The following SPON1 variants were observed in gnomAD, a reference collection of about 807,000 sequenced individuals.
SPON1 encodes the protein spondin-1.
SPON1 carries 52 observed loss-of-function variants against 111.7 expected under a neutral mutation model. That is an observed-to-expected ratio of 0.47 (90% CI 0.37 to 0.59). SPON1 has a LOEUF of 0.59. Among genes scored for constraint, SPON1 ranks in the 20% least tolerant of loss-of-function variants. The pLI is 0.00. For synonymous variants in SPON1, 410 were observed against 395.8 expected (o/e 1.04, Z -0.43); for missense variants, 957 against 1,068.5 (o/e 0.90, Z 1.46).
chr11:13,967,513 T>C (rs1233120391), intron 1 of SPON1, among the ~76,000 whole-genome samples: 3 of 141,354 alleles, frequency 2.1e-5, no homozygotes, highest in Admixed American at 7.3e-5. Context: ...AAAAACAAAT[T>C]GGATAGGAAA....
At chr11:14,019,385 G>C (rs1453061903) in intron 2 of SPON1, among the ~76,000 whole-genome samples, 2 of 149,726 alleles carry the variant, frequency 1.3e-5, no homozygotes, top group African/African-American at 4.9e-5. Context: ...TTTATAATGT[G>C]TATAATTATA....
rs565301013 is a variant in SPON1 at position 14,179,284 on chromosome 11, C to T, written c.825+43716C>T. ...ATATGACACAGCATTTTGCCATCAT[C>T]GCAGATGTTCCACATAAAAGGGTCA... On this transcript the variant is annotated intron_variant, in intron 6 of 15. Coordinates refer to ENST00000576479, the MANE Select transcript of SPON1 (RefSeq NM_006108.4). 5.9e-5 allele frequency among the ~76,000 whole-genome samples: 9 copies of T among 152,296 alleles called. No homozygotes were observed. In the South Asian group the frequency reaches 1.0e-3, roughly 18 times the overall value.
At chr11:14,212,455 A>G (rs1848586728) in intron 6 of SPON1, among the ~76,000 whole-genome samples, 1 of 152,208 alleles carries the variant, frequency 6.6e-6, no homozygotes, top group African/African-American at 2.4e-5. Flanking sequence ...GCATATAATT[A>G]GACATAGTAT....
chr11:14,091,034 A>T (rs564008220), intron 5 of SPON1, among the ~76,000 whole-genome samples: 3 of 152,036 alleles, frequency 2.0e-5, no homozygotes, highest in Admixed American at 6.5e-5. Context: ...CGATTGGTGC[A>T]CTCACAAACC....
chr11:14,196,984 G>T lies in SPON1; in HGVS notation c.826-46348G>T, dbSNP rs139529440. 8.0e-3 allele frequency among the ~76,000 whole-genome samples: 1,210 copies of T among 152,142 alleles called. 27 individuals are homozygous for T. Among genetic ancestry groups the T allele is most frequent in the African/African-American group, 0.028 (1,161 of 41,496 alleles). On this transcript the variant is annotated intron_variant, in intron 6 of 15. Transcript: ENST00000576479. ...AGAATCTCTTGAACCCGGGAGGCTG[G>T]GGTTGCAGTGAACAGAGATGGCACC...
chr11:14,217,871 C>G (rs1554937271), intron 6 of SPON1, among the ~76,000 whole-genome samples: 2 of 152,168 alleles, frequency 1.3e-5, no homozygotes, highest in Non-Finnish European at 2.9e-5. Context: ...TTATTGAACC[C>G]TTACTATGTG....
intron 3 of SPON1, among the ~76,000 whole-genome samples, chr11:14,061,802 C>A (rs1848793063): frequency 6.6e-6 from 1 of 152,190 alleles, no homozygotes; most frequent in Admixed American, 6.5e-5. Context: ...ATGCGATTTT[C>A]CTAATAACAG....
At chr11:14,049,062 A>G (rs1350311792) in intron 3 of SPON1, among the ~76,000 whole-genome samples, 1 of 152,220 alleles carries the variant, frequency 6.6e-6, no homozygotes, top group Non-Finnish European at 1.5e-5. Flanking sequence ...TGAAGTAGAT[A>G]TGAAGGAGGA....
intron 7 of SPON1, among the ~76,000 whole-genome samples, chr11:14,253,541 C>T (rs1849074653): frequency 1.3e-5 from 2 of 152,256 alleles, no homozygotes; most frequent in African/African-American, 4.8e-5. Context: ...TCATTGCTTT[C>T]TGGTGCCAGG....
At chr11:14,137,135 GT>G (rs1847601808) in intron 6 of SPON1, among the ~76,000 whole-genome samples, 1 of 152,160 alleles carries the variant, frequency 6.6e-6, no homozygotes, top group East Asian at 1.9e-4. Flanking sequence ...TTCTTGAGAG[GT>G]TTCTGGAAAA....
chr11:14,090,694 C>G (rs1554923185), intron 5 of SPON1, among the ~76,000 whole-genome samples: 1 of 151,958 alleles, frequency 6.6e-6, no homozygotes, highest in East Asian at 1.9e-4. Context: ...CTCATAAAAG[C>G]AGCGTGGACC....
chr11:14,207,069 A>C (rs116496061), intron 6 of SPON1, among the ~76,000 whole-genome samples: 1 of 152,120 alleles, frequency 6.6e-6, no homozygotes, highest in Non-Finnish European at 1.5e-5. Context: ...TAGAGAATTC[A>C]GAAATAAGAC....
intron 5 of SPON1, among the ~76,000 whole-genome samples, chr11:14,095,730 C>A (rs1554923833): frequency 1.3e-5 from 2 of 152,194 alleles, no homozygotes; most frequent in Non-Finnish European, 2.9e-5. Context: ...TGAGGCCCAC[C>A]CACACGGGGG....
chr11:14,175,137 C>T (rs1271351305), intron 6 of SPON1, among the ~76,000 whole-genome samples: 2 of 152,328 alleles, frequency 1.3e-5, no homozygotes, highest in South Asian at 2.1e-4. Context: ...TAGGCCACCA[C>T]TGTCAGAAGA....
intron 3 of SPON1, 71 bp downstream of exon 3, chr11:14,041,725 A>G: frequency 1.0e-5 from 16 of 1,569,388 alleles, no homozygotes; most frequent in Non-Finnish European, 1.3e-5. Context: ...GAAAAAAAAA[A>G]AAGTTCTTTA....
chr11:13,998,155 G>T (rs1848288261), intron 2 of SPON1, among the ~76,000 whole-genome samples: 1 of 152,164 alleles, frequency 6.6e-6, no homozygotes, highest in African/African-American at 2.4e-5. Flanking sequence ...CACCCATGAA[G>T]TAGGCACTCT....
intron 6 of SPON1, among the ~76,000 whole-genome samples, chr11:14,211,397 A>G (rs1467348014): frequency 6.6e-6 from 1 of 152,194 alleles, no homozygotes; most frequent in African/African-American, 2.4e-5. Flanking sequence ...CAAAGAGAAT[A>G]AAATACCTAG....
chr11:14,197,774 CA>C (rs1404424604), intron 6 of SPON1, among the ~76,000 whole-genome samples: 1 of 152,118 alleles, frequency 6.6e-6, no homozygotes, highest in Non-Finnish European at 1.5e-5. Context: ...GAGATCACAC[CA>C]CTGCACTCCA....
chr11:14,177,486 T>C (rs1564924506), intron 6 of SPON1, among the ~76,000 whole-genome samples: 1 of 152,080 alleles, frequency 6.6e-6, no homozygotes, highest in Non-Finnish European at 1.5e-5. Flanking sequence ...AATGAGCCAG[T>C]TTATTGATCT....
Sources: allele counts gnomAD v4.1 joint callset (sites outside exome capture counted in the v4.1 genomes callset), GRCh38; gene constraint gnomAD v4.1.1; transcripts MANE v1.5; gene names NCBI Gene and HGNC (gene_info 2026-07-23, HGNC 2026-07-21).